ZBTB7C: variants seen among roughly 807,000 people sequenced by gnomAD.
ZBTB7C encodes zinc finger and BTB domain containing 7C.
Under a neutral mutation model 25.7 loss-of-function variants are expected in ZBTB7C, and 8 were observed. The observed-to-expected ratio is 0.31, with a 90% confidence interval of 0.18 to 0.56. The LOEUF is 0.56. Among genes scored for constraint, ZBTB7C ranks in the 20% least tolerant of loss-of-function variants. The probability of loss-of-function intolerance (pLI) is 0.91; values close to 1 mark genes in which losing one functional copy is unlikely to be tolerated. For synonymous variants in ZBTB7C, 394 were observed against 369.0 expected (o/e 1.07, Z -0.78); for missense variants, 824 against 855.2 (o/e 0.96, Z 0.46).
chr18:48,186,683 T>G (rs755316329), intron 2 of ZBTB7C, among the ~76,000 whole-genome samples: 1 of 152,032 alleles, frequency 6.6e-6, no homozygotes, highest in Non-Finnish European at 1.5e-5. Context: ...GCAATGTGAG[T>G]CTGGGCAATT....
Position 48,263,090 on chromosome 18 carries a change from C to G in ZBTB7C, c.-79+75084G>C, listed in dbSNP as rs76730635. On this transcript the variant is annotated intron_variant, in intron 2 of 4. Coordinates refer to ENST00000590800, the MANE Select transcript of ZBTB7C (RefSeq NM_001318841.2). ...CCAGCTCCCATGGGAACCATGTGCT[C>G]CAGCCTGATTCAACTCCTCATTGTC... Among the ~76,000 whole-genome samples the G allele has an allele frequency of 2.8e-3, 428 of 152,328 alleles. 6 individuals are homozygous for G. The East Asian group carries it at 0.047, about 17-fold the overall frequency.
At chr18:48,099,772 G>A (rs576592435) in intron 3 of ZBTB7C, among the ~76,000 whole-genome samples, 3 of 152,322 alleles carry the variant, frequency 2.0e-5, no homozygotes, top group African/African-American at 4.8e-5. Flanking sequence ...ATCCCCAGGC[G>A]GCTGGCAGCC....
intron 2 of ZBTB7C, among the ~76,000 whole-genome samples, chr18:48,202,181 G>GC (rs2145205980): frequency 6.6e-6 from 1 of 152,318 alleles, no homozygotes; most frequent in African/African-American, 2.4e-5. Context: ...TGGTGCAGGG[G>GC]CTGGGAGGAG....
chr18:48,026,772 ATTATT>A lies in ZBTB7C; in HGVS notation c.*2483_*2487del, dbSNP rs933057687. On this transcript the variant is annotated 3_prime_UTR_variant, in exon 5 of 5. Coordinates refer to ENST00000590800, the MANE Select transcript of ZBTB7C (RefSeq NM_001318841.2). ...TTTTCTTTGTTAAGGTGTCTTTGAC[ATTATT>A]TTAAGTTTATGACACCCAACAATTA... is the stretch of plus-strand genomic sequence containing the variant. 1.2e-4 allele frequency: 18 copies of A among 151,078 alleles called. No individual in the cohort carries two copies. Among genetic ancestry groups the A allele is most frequent in the Non-Finnish European group, 2.5e-4 (17 of 67,876 alleles). 9.4% of individuals were successfully genotyped at this position (151,078 alleles called of 1,614,324 possible). A position where few individuals can be genotyped will look rare whatever the true frequency, so the allele number is the denominator to read the frequency against.
At chr18:48,116,675 C>T (rs776943593) in intron 3 of ZBTB7C, among the ~76,000 whole-genome samples, 6 of 152,126 alleles carry the variant, frequency 3.9e-5, no homozygotes, top group Non-Finnish European at 8.8e-5. Flanking sequence ...CTCAGCTCTG[C>T]TGGCTGTCCT....
intron 1 of ZBTB7C, among the ~76,000 whole-genome samples, chr18:48,365,426 G>C (rs1403147019): frequency 6.6e-6 from 1 of 152,204 alleles, no homozygotes; most frequent in Non-Finnish European, 1.5e-5. Context: ...GTCACTCTGT[G>C]ATTATGTCAT....
chr18:48,291,214 C>T (rs1309707495), intron 2 of ZBTB7C, among the ~76,000 whole-genome samples: 4 of 152,190 alleles, frequency 2.6e-5, no homozygotes, highest in East Asian at 3.9e-4. Flanking sequence ...AGCAGCCAAA[C>T]ATTTATGGCA....
At chr18:48,176,697 A>T (rs4940310) in intron 3 of ZBTB7C, among the ~76,000 whole-genome samples, 132,764 of 152,096 alleles carry the variant, frequency 0.87, 58,289 homozygotes, top group African/African-American at 0.96. Flanking sequence ...AGCAGGTAAA[A>T]CTGAGATATA....
At chr18:48,244,091 A>T (rs966455516) in intron 2 of ZBTB7C, among the ~76,000 whole-genome samples, 8 of 152,202 alleles carry the variant, frequency 5.3e-5, no homozygotes, top group Non-Finnish European at 1.0e-4. Flanking sequence ...AACATCACAA[A>T]AACTCTTCCA....
At chr18:48,105,194 C>A (rs1385107316) in intron 3 of ZBTB7C, among the ~76,000 whole-genome samples, 2 of 152,212 alleles carry the variant, frequency 1.3e-5, no homozygotes, top group South Asian at 2.1e-4. Context: ...GAGTCAGGAA[C>A]AGGATTTAGA....
intron 2 of ZBTB7C, among the ~76,000 whole-genome samples, chr18:48,290,055 T>C (rs1047803333): frequency 3.9e-5 from 6 of 152,236 alleles, no homozygotes; most frequent in African/African-American, 1.2e-4. Flanking sequence ...ACAGTAGTTA[T>C]GCTAGCACCT....
At position 48,029,051 on chromosome 18, in the gene ZBTB7C, T is replaced by G; in HGVS notation, c.*209A>C. On this transcript the variant is annotated 3_prime_UTR_variant, in exon 5 of 5. Transcript: ENST00000590800. ...GGAGGGAGGCCCGGGCTCCTGGCCT[T>G]TTGGGAAAAGATGCCCGTCTCAGAC... 2.9e-6 allele frequency: 2 copies of G among 686,428 alleles called. No individual in the cohort carries two copies. Among genetic ancestry groups the G allele is most frequent in the Non-Finnish European group, 4.5e-6 (2 of 449,366 alleles). The allele number at this position is 686,428 out of a possible 1,614,324, so 42.5% of individuals were successfully genotyped here.
intron 2 of ZBTB7C, among the ~76,000 whole-genome samples, chr18:48,202,351 A>G (rs927077069): frequency 2.6e-5 from 4 of 152,062 alleles, no homozygotes; most frequent in Non-Finnish European, 5.9e-5. Flanking sequence ...GCGAGGGATT[A>G]GAGATGGAAC....
chr18:48,259,148 C>T (rs983764276), intron 2 of ZBTB7C, among the ~76,000 whole-genome samples: 9 of 152,164 alleles, frequency 5.9e-5, no homozygotes, highest in African/African-American at 1.4e-4. Flanking sequence ...CAGGGTTTCA[C>T]CATGTTGCCC....
chr18:48,303,864 T>C (rs2045601623), intron 2 of ZBTB7C, among the ~76,000 whole-genome samples: 1 of 152,196 alleles, frequency 6.6e-6, no homozygotes, highest in African/African-American at 2.4e-5. Context: ...AAGTCAAGGA[T>C]AGTTTTACCA....
At chr18:48,073,855 A>T (rs1452907554) in intron 3 of ZBTB7C, among the ~76,000 whole-genome samples, 1 of 151,936 alleles carries the variant, frequency 6.6e-6, no homozygotes, top group Non-Finnish European at 1.5e-5. Flanking sequence ...CTCTCTCCTC[A>T]GTTCTCCCTT....
At chr18:48,253,147 A>G (rs2043918125) in intron 2 of ZBTB7C, among the ~76,000 whole-genome samples, 1 of 152,144 alleles carries the variant, frequency 6.6e-6, no homozygotes, top group Admixed American at 6.5e-5. Context: ...GTGTGGGTGA[A>G]TAGGCAGAGC....
intron 2 of ZBTB7C, among the ~76,000 whole-genome samples, chr18:48,210,200 C>T (rs1212168597): frequency 6.6e-6 from 1 of 152,168 alleles, no homozygotes; most frequent in African/African-American, 2.4e-5. Context: ...GAAATTGTAG[C>T]TTTCACACAC....
chr18:48,326,218 C>T (rs1341787151), intron 2 of ZBTB7C, among the ~76,000 whole-genome samples: 1 of 151,776 alleles, frequency 6.6e-6, no homozygotes, highest in African/African-American at 2.4e-5. Flanking sequence ...GCCTCAGCCT[C>T]TCGAGTAGCT....
Sources: gnomAD v4.1 joint callset for allele counts (sites outside exome capture counted in the v4.1 genomes callset) on GRCh38, gnomAD v4.1.1 for gene constraint, MANE v1.5 for transcripts, NCBI Gene and HGNC (gene_info 2026-07-23, HGNC 2026-07-21) for gene names.